NRP1: variants seen among roughly 807,000 people sequenced by gnomAD.
NRP1 encodes neuropilin-1.
In NRP1, 35 loss-of-function variants were observed where a neutral mutation model predicts 106.7. That is an observed-to-expected ratio of 0.33 (90% CI 0.25 to 0.43). The LOEUF is 0.43. Among genes scored for constraint, NRP1 ranks in the 20% least tolerant of loss-of-function variants. The pLI, the probability that NRP1 is intolerant of heterozygous loss-of-function variation, is 1.00. For synonymous variants in NRP1, 437 were observed against 417.9 expected, an observed-to-expected ratio of 1.05 and a Z score of -0.56; for missense variants, 1,024 against 1,170.4, an observed-to-expected ratio of 0.87 and a Z score of 1.83.
chr10:33,203,501 A>T (rs2474718), intron 10 of NRP1, among the ~76,000 whole-genome samples: 62,118 of 151,066 alleles, frequency 0.41, 13,515 homozygotes, highest in East Asian at 0.72. Flanking sequence ...GTGTTTTTTT[A>T]AAAAAAAACA....
intron 4 of NRP1, among the ~76,000 whole-genome samples, chr10:33,261,855 G>T (rs557449645): frequency 2.0e-5 from 3 of 152,166 alleles, no homozygotes; most frequent in African/African-American, 7.2e-5. Flanking sequence ...TCCTGTCTCA[G>T]CCTCCTGAGT....
chr10:33,305,585 C>G (rs1846092649), intron 2 of NRP1, among the ~76,000 whole-genome samples: 1 of 152,142 alleles, frequency 6.6e-6, no homozygotes, highest in Non-Finnish European at 1.5e-5. Context: ...CTGGGCAAGT[C>G]ACTTCCTGCC....
intron 2 of NRP1, among the ~76,000 whole-genome samples, chr10:33,272,411 T>G (rs995908243): frequency 6.6e-6 from 1 of 152,126 alleles, no homozygotes; most frequent in Non-Finnish European, 1.5e-5. Flanking sequence ...TTTGCAAAAC[T>G]GTGGAAATAC....
intron 6 of NRP1, among the ~76,000 whole-genome samples, chr10:33,230,137 G>A (rs79611097): frequency 0.013 from 2,044 of 152,154 alleles, 55 homozygotes; most frequent in African/African-American, 0.047. Context: ...TTCTTTCCAC[G>A]AGTCCTTTCT....
At chr10:33,218,272 T>C (rs182863077) in intron 8 of NRP1, among the ~76,000 whole-genome samples, 6 of 152,258 alleles carry the variant, frequency 3.9e-5, no homozygotes, top group South Asian at 2.1e-4. Flanking sequence ...GTTCCAATCT[T>C]ATTTTCTTTA....
chr10:33,232,937 C>T (rs1360086407), intron 6 of NRP1, among the ~76,000 whole-genome samples: 9 of 152,066 alleles, frequency 5.9e-5, no homozygotes, highest in Non-Finnish European at 1.2e-4. Context: ...CATGAGCCAC[C>T]GTGCCCAGCT....
At chr10:33,250,112 G>C (rs1405777409) in intron 6 of NRP1, among the ~76,000 whole-genome samples, 1 of 152,196 alleles carries the variant, frequency 6.6e-6, no homozygotes, top group African/African-American at 2.4e-5. Flanking sequence ...AATGTCATCT[G>C]CATACTTATG....
chr10:33,251,141 T>C (rs1888686), intron 6 of NRP1, among the ~76,000 whole-genome samples: 39,965 of 152,078 alleles, frequency 0.26, 5,753 homozygotes, highest in East Asian at 0.54. Context: ...GCTCTTCTCA[T>C]GATAGTGGGT....
At chr10:33,199,365 T>TTATATATATATATATATATA (rs57582967) in intron 11 of NRP1, among the ~76,000 whole-genome samples, 28 of 64,266 alleles carry the variant, frequency 4.4e-4, no homozygotes, top group Middle Eastern at 7.0e-3. Flanking sequence ...CCTGGCTGTT[T>TTATATATATATATATATATA]TCTATATATA....
chr10:33,308,899 AAAAT>A (rs1320715679), intron 2 of NRP1, among the ~76,000 whole-genome samples: 2 of 152,210 alleles, frequency 1.3e-5, no homozygotes, highest in African/African-American at 2.4e-5. Flanking sequence ...GTGCTCAAGA[AAAAT>A]AAATATACAT....
chr10:33,284,724 T>C (rs938102822), intron 2 of NRP1, among the ~76,000 whole-genome samples: 2 of 152,238 alleles, frequency 1.3e-5, no homozygotes, highest in Non-Finnish European at 2.9e-5. Flanking sequence ...CTGCAAATAA[T>C]GTTCTTTTCA....
intron 12 of NRP1, among the ~76,000 whole-genome samples, chr10:33,194,070 CTA>C (rs1328553046): frequency 6.6e-6 from 1 of 152,164 alleles, no homozygotes; most frequent in African/African-American, 2.4e-5. Flanking sequence ...CATGTCTAGT[CTA>C]TCATAGCCAT....
intron 11 of NRP1, among the ~76,000 whole-genome samples, chr10:33,200,198 T>C (rs1837170990): frequency 6.6e-6 from 1 of 152,230 alleles, no homozygotes; most frequent in African/African-American, 2.4e-5. Flanking sequence ...TTAAAACCGA[T>C]ATGCATTATC....
intron 6 of NRP1, among the ~76,000 whole-genome samples, chr10:33,229,732 A>C (rs1564403426): frequency 2.6e-5 from 4 of 152,164 alleles, no homozygotes; most frequent in South Asian, 2.1e-4. Flanking sequence ...CAGAGGAAGG[A>C]GCAATTGACT....
intron 2 of NRP1, among the ~76,000 whole-genome samples, chr10:33,275,425 G>A (rs111442922): frequency 6.8e-4 from 103 of 152,114 alleles, no homozygotes; most frequent in Admixed American, 2.1e-3. Flanking sequence ...AAAATTAGCC[G>A]GGCATGGTGG....
At chr10:33,254,499 G>T (rs1481860086) in intron 5 of NRP1, among the ~76,000 whole-genome samples, 1 of 152,172 alleles carries the variant, frequency 6.6e-6, no homozygotes, top group Non-Finnish European at 1.5e-5. Flanking sequence ...GTGTGTGTTT[G>T]TAACTATCTG....
At chr10:33,183,809 T>C (rs554882351) in intron 15 of NRP1, among the ~76,000 whole-genome samples, 2 of 152,352 alleles carry the variant, frequency 1.3e-5, no homozygotes, top group African/African-American at 4.8e-5. Context: ...TGATGAATCA[T>C]TGTACAATTG....
At chr10:33,252,035 A>G (rs1464034152) in intron 6 of NRP1, among the ~76,000 whole-genome samples, 2 of 152,130 alleles carry the variant, frequency 1.3e-5, no homozygotes, top group Admixed American at 1.3e-4. Flanking sequence ...CCACGCCCCC[A>G]TCCTGGGCCT....
intron 4 of NRP1, among the ~76,000 whole-genome samples, chr10:33,260,633 T>C (rs11598845): frequency 0.13 from 20,416 of 152,148 alleles, 1,432 homozygotes; most frequent in South Asian, 0.16. Context: ...TTAGCCCATA[T>C]GTAAACCTCC....
Sources: gnomAD v4.1 joint callset for allele counts (sites outside exome capture counted in the v4.1 genomes callset) on GRCh38, gnomAD v4.1.1 for gene constraint, MANE v1.5 for transcripts, NCBI Gene and HGNC (gene_info 2026-07-23, HGNC 2026-07-21) for gene names.